TBC1D4: variants seen among roughly 807,000 people sequenced by gnomAD.
TBC1D4 encodes the protein TBC (Tre-2, BUB2, CDC16) domain-containing protein.
A neutral mutation model predicts 142.5 loss-of-function variants in TBC1D4; 121 were observed. The observed-to-expected ratio is 0.85, with a 90% CI of 0.73 to 0.99. The LOEUF is 0.99. TBC1D4 is among the 50% of genes least tolerant of loss of function. The pLI, the probability that TBC1D4 is intolerant of heterozygous loss-of-function variation, is 0.00. For missense variants in TBC1D4, 1,475 were observed against 1,606.6 expected (o/e 0.92, Z 1.40); for synonymous variants, 630 against 628.2 (o/e 1.00, Z -0.04).
intron 1 of TBC1D4, among the ~76,000 whole-genome samples, chr13:75,479,179 G>A (rs1397926808): frequency 2.0e-5 from 3 of 152,124 alleles, no homozygotes; most frequent in South Asian, 2.1e-4. Context: ...TGTAACCACC[G>A]ATTAATGGCT....
chr13:75,421,232 G>A (rs139165201), intron 1 of TBC1D4, among the ~76,000 whole-genome samples: 10 of 152,208 alleles, frequency 6.6e-5, no homozygotes, highest in African/African-American at 2.2e-4. Flanking sequence ...AGTGACCATC[G>A]TCCTCACAAA....
intron 1 of TBC1D4, among the ~76,000 whole-genome samples, chr13:75,464,600 T>A (rs1888095543): frequency 6.6e-6 from 1 of 152,160 alleles, no homozygotes; most frequent in South Asian, 2.1e-4. Context: ...CACTCCACAC[T>A]CTGTATTTCT....
chr13:75,378,943 A>G (rs554228077), intron 1 of TBC1D4, among the ~76,000 whole-genome samples: 24 of 152,230 alleles, frequency 1.6e-4, no homozygotes, highest in African/African-American at 5.3e-4. Context: ...AAAACGTTCA[A>G]CATTTGCAGT....
At chr13:75,420,381 G>A (rs896245603) in intron 1 of TBC1D4, among the ~76,000 whole-genome samples, 1 of 152,208 alleles carries the variant, frequency 6.6e-6, no homozygotes, top group Non-Finnish European at 1.5e-5. Flanking sequence ...TGTATAGCAT[G>A]TAAATCATAA....
chr13:75,406,614 C>T (rs781328269), intron 1 of TBC1D4, among the ~76,000 whole-genome samples: 1 of 152,062 alleles, frequency 6.6e-6, no homozygotes, highest in Non-Finnish European at 1.5e-5. Flanking sequence ...ATCGAGGGGG[C>T]CTTTAGGGAA....
At chr13:75,398,222 C>T (rs1035838741) in intron 1 of TBC1D4, among the ~76,000 whole-genome samples, 4 of 152,210 alleles carry the variant, frequency 2.6e-5, no homozygotes, top group South Asian at 4.1e-4. Context: ...AGTATATAAA[C>T]GTTGTTATCA....
intron 1 of TBC1D4, among the ~76,000 whole-genome samples, chr13:75,394,874 C>G (rs1357491192): frequency 1.3e-5 from 2 of 152,154 alleles, no homozygotes; most frequent in Non-Finnish European, 2.9e-5. Flanking sequence ...TAATTTCATT[C>G]AACAAACATT....
At position 75,481,461 on chromosome 13, in the gene TBC1D4, C is replaced by G. The variant is rs759960886; in HGVS notation, c.307G>C (p.Gly103Arg). ...TGCGTGGCCGACGGACTAGTGCCCC[C>G]CGAGGCCCCAGCGCCCGGCGCGGGG... ...CVPAPGAGASGGTSPSATQPN... is the reference protein window; with the variant it reads ...CVPAPGAGASRGTSPSATQPN... Residue 103 changes from glycine (G) to arginine (R), a missense_variant, in exon 1 of 21, where the codon GGG (glycine) becomes CGG (arginine). Physicochemically the swap from Gly to Arg is moderately radical, Grantham distance 125. This residue lies in a region of TBC1D4 where 1,227 missense variants were observed against 1,267.7 expected (regional missense o/e 0.97). Coordinates refer to ENST00000377636, the MANE Select transcript of TBC1D4 (RefSeq NM_014832.5). 4 of 1,613,736 alleles carry G rather than the reference C, an allele frequency of 2.5e-6. No homozygotes were observed. The South Asian group carries it at 3.3e-5, about 13-fold the overall frequency.
At chr13:75,384,563 A>G (rs1884062300) in intron 1 of TBC1D4, among the ~76,000 whole-genome samples, 1 of 145,800 alleles carries the variant, frequency 6.9e-6, no homozygotes, top group African/African-American at 2.6e-5. Context: ...AGATAAAGGA[A>G]AAAAAAAAAG....
chr13:75,354,288 T>C (rs762349423), intron 4 of TBC1D4, among the ~76,000 whole-genome samples: 5 of 152,100 alleles, frequency 3.3e-5, no homozygotes, highest in Non-Finnish European at 4.4e-5. Flanking sequence ...AGGAGGAAAT[T>C]TTGTGAGAAA....
chr13:75,434,962 A>G (rs1886735923), intron 1 of TBC1D4, among the ~76,000 whole-genome samples: 1 of 150,618 alleles, frequency 6.6e-6, no homozygotes, highest in African/African-American at 2.4e-5. Context: ...GGCCTGGCCA[A>G]CATGGCAAAA....
intron 1 of TBC1D4, among the ~76,000 whole-genome samples, chr13:75,476,575 T>C (rs894462499): frequency 2.6e-5 from 4 of 152,240 alleles, no homozygotes; most frequent in African/African-American, 9.6e-5. Context: ...GGCAGAATAA[T>C]GTCTATATCA....
chr13:75,395,300 T>A (rs1884727860), intron 1 of TBC1D4, among the ~76,000 whole-genome samples: 1 of 152,184 alleles, frequency 6.6e-6, no homozygotes, highest in African/African-American at 2.4e-5. Flanking sequence ...TTCTGGTATA[T>A]CTAAACAGGA....
chr13:75,414,034 G>A (rs182883249), intron 1 of TBC1D4, among the ~76,000 whole-genome samples: 1 of 152,258 alleles, frequency 6.6e-6, no homozygotes, highest in East Asian at 1.9e-4. Context: ...TGTTTGGAGT[G>A]ATGTACAGTG....
intron 3 of TBC1D4, among the ~76,000 whole-genome samples, chr13:75,359,383 C>T (rs1213749548): frequency 3.3e-5 from 5 of 152,184 alleles, no homozygotes; most frequent in Non-Finnish European, 4.4e-5. Context: ...CTACCTACTA[C>T]GGTATAAAGA....
chr13:75,288,763 A>G (rs1172551638), intron 20 of TBC1D4, among the ~76,000 whole-genome samples, 171 bp downstream of exon 20: 1 of 152,084 alleles, frequency 6.6e-6, no homozygotes, highest in Non-Finnish European at 1.5e-5. Flanking sequence ...TTTCCAAGTA[A>G]TGTTTAATTT....
intron 13 of TBC1D4, among the ~76,000 whole-genome samples, chr13:75,311,998 A>C (rs1271922665): frequency 6.6e-6 from 1 of 152,132 alleles, no homozygotes; most frequent in Non-Finnish European, 1.5e-5. Context: ...AGGAGCTATT[A>C]ATTTATCGAT....
intron 1 of TBC1D4, among the ~76,000 whole-genome samples, chr13:75,420,485 CT>C (rs1453459045): frequency 1.3e-5 from 2 of 152,218 alleles, no homozygotes; most frequent in Admixed American, 6.5e-5. Context: ...CGTGTATAAA[CT>C]TCCTTCTATA....
chr13:75,399,530 C>G lies in TBC1D4; in HGVS notation c.499-36923G>C, dbSNP rs1441566327. On this transcript the variant is annotated intron_variant, in intron 1 of 20. Transcript: ENST00000377636. ...CTGCAACTGAGAAACCACACCCAAC[C>G]CACCTTATCTACACCCCCACGTGAT... Among the ~76,000 whole-genome samples, 6 of 148,818 alleles carry G rather than the reference C, an allele frequency of 4.0e-5. No homozygotes were observed. The East Asian group carries it at 1.2e-3, about 29-fold the overall frequency.
Sources: gnomAD v4.1 joint callset for allele counts (sites outside exome capture counted in the v4.1 genomes callset) on GRCh38, gnomAD v4.1.1 for gene constraint, gnomAD v4.1.1 regional missense constraint, MANE v1.5 for transcripts, NCBI Gene and HGNC (gene_info 2026-07-23, HGNC 2026-07-21) for gene names.